Variants in C16orf89 observed in about 807,000 individuals in gnomAD.
The protein encoded by C16orf89 is chromosome 16 open reading frame 89, also known as UPF0764 protein C16orf89.
Under a neutral mutation model 41.5 loss-of-function variants are expected in C16orf89, and 57 were observed. The observed-to-expected ratio is 1.38, with a 90% confidence interval of 1.11 to 1.71. The LOEUF (loss-of-function observed/expected upper bound fraction) is 1.71, where lower values mean the gene tolerates loss of function less well. Among genes scored for constraint, C16orf89 ranks in the 40% most tolerant of loss-of-function variants. The pLI is 0.00. For missense variants in C16orf89, 575 were observed against 445.9 expected (o/e 1.29, Z -2.61); for synonymous variants, 223 against 190.6 (o/e 1.17, Z -1.40).
At chr16:5,058,259 C>G (rs111251998) in intron 4 of C16orf89, among the ~76,000 whole-genome samples, 17,753 of 151,974 alleles carry the variant, frequency 0.12, 1,147 homozygotes, top group Non-Finnish European at 0.15. Flanking sequence ...CCTCTTGTAG[C>G]TGGGATTACA....
At position 5,047,981 on chromosome 16, in the gene C16orf89, A is replaced by T; in HGVS notation, c.869-17T>A. ...CTTCAGCATCTGGGAGAAGAGCAAA[A>T]GTTGAACTTCTCAAGAGAGATTTTT... On this transcript the variant is annotated splice_polypyrimidine_tract_variant and intron_variant, in intron 6 of 7. Transcript: ENST00000472572. The T allele has an allele frequency of 7.6e-7, 1 of 1,319,204 alleles. No individual in the cohort carries two copies. The highest frequency in any genetic ancestry group is 1.1e-6 in the Non-Finnish European group (1 of 915,546). 81.7% of individuals were successfully genotyped at this position (1,319,204 alleles called of 1,614,324 possible).
At chr16:5,058,355 A>G (rs1164329573) in intron 4 of C16orf89, 138 bp downstream of exon 4, 18 of 658,618 alleles carry the variant, frequency 2.7e-5, no homozygotes, top group Non-Finnish European at 4.0e-5. Context: ...CTGGTTTTGA[A>G]CTCCTGGCCT....
chr16:5,059,022 C>T (rs530260335), intron 3 of C16orf89, among the ~76,000 whole-genome samples: 5 of 151,922 alleles, frequency 3.3e-5, no homozygotes, highest in African/African-American at 1.2e-4. Flanking sequence ...GGCAAGTCAC[C>T]TGAGGTCAGG....
chr16:5,046,846 C>CA (rs1267640714), intron 7 of C16orf89, among the ~76,000 whole-genome samples: 1 of 152,100 alleles, frequency 6.6e-6, no homozygotes, highest in Non-Finnish European at 1.5e-5. Flanking sequence ...ACTGACCATA[C>CA]AGTTTATTGT....
rs1451831168 is a variant in C16orf89 at position 5,062,498 on chromosome 16, C to A, written c.285G>T (p.Leu95=). The part of the protein sequence containing the change: ...LQPLSLRVGM[L]GEKLEAAIQR... ...GGATGGCAGCCTCCAGCTTCTCCCCCAGCATCCCCACGCGCAGGCTCAGCG... is the reference window on the plus strand; with the variant it reads ...GGATGGCAGCCTCCAGCTTCTCCCCAAGCATCCCCACGCGCAGGCTCAGCG... The change falls in exon 2 of 8, where the codon CTG becomes CTT. Residue 95 remains leucine (L), a synonymous_variant. Coordinates refer to ENST00000472572, the MANE Select transcript of C16orf89 (RefSeq NM_001098514.3). The A allele has an allele frequency of 1.2e-6, 2 of 1,614,108 alleles. No homozygotes were observed. Among genetic ancestry groups the A allele is most frequent in the Non-Finnish European group, 1.7e-6 (2 of 1,179,968 alleles).
intron 3 of C16orf89, 191 bp downstream of exon 3, chr16:5,060,095 C>A (rs973785648): frequency 3.6e-6 from 2 of 562,502 alleles, no homozygotes; most frequent in Non-Finnish European, 5.7e-6. Flanking sequence ...GGGAGGCCAG[C>A]GGGCGGCTGG....
intron 7 of C16orf89, chr16:5,044,793 G>C: frequency 8.3e-7 from 1 of 1,199,318 alleles, no homozygotes; most frequent in South Asian, 1.3e-5. Context: ...GCAGTGAGCC[G>C]AGATTGCGCC....
chr16:5,053,915 G>A (rs1479134077), intron 6 of C16orf89, among the ~76,000 whole-genome samples: 1 of 152,122 alleles, frequency 6.6e-6, no homozygotes, highest in African/African-American at 2.4e-5. Flanking sequence ...GAGGTGATGC[G>A]TCTGCTCATT....
chr16:5,046,420 C>T (rs1956298967), intron 7 of C16orf89, among the ~76,000 whole-genome samples: 1 of 152,080 alleles, frequency 6.6e-6, no homozygotes, highest in African/African-American at 2.4e-5. Flanking sequence ...GGCACAATCT[C>T]AGCTCACTGC....
intron 2 of C16orf89, 91 bp downstream of exon 2, chr16:5,062,334 C>G: frequency 2.1e-6 from 3 of 1,437,388 alleles, no homozygotes; most frequent in South Asian, 1.4e-5. Flanking sequence ...CCAGCCCAGC[C>G]TTGCCCCAGG....
intron 1 of C16orf89, among the ~76,000 whole-genome samples, chr16:5,062,820 G>A (rs765743973): frequency 6.6e-6 from 1 of 152,098 alleles, no homozygotes; most frequent in Non-Finnish European, 1.5e-5. Flanking sequence ...TTCTGGAGGC[G>A]GGCCTGGGTT....
At chr16:5,053,067 A>G (rs1313352210) in intron 6 of C16orf89, among the ~76,000 whole-genome samples, 1 of 152,202 alleles carries the variant, frequency 6.6e-6, no homozygotes, top group African/African-American at 2.4e-5. Context: ...TGTGGAAGCT[A>G]AAAAAGTTGA....
chr16:5,054,060 CATCTGGAGGCCTAAGA>C (rs1361773781), intron 6 of C16orf89, among the ~76,000 whole-genome samples: 2 of 152,228 alleles, frequency 1.3e-5, no homozygotes, highest in African/African-American at 2.4e-5. Context: ...CGAAGCTATA[CATCTGGAGGCCTAAGA>C]ATCTTCATCG....
At position 5,045,789 on chromosome 16, in the gene C16orf89, C is replaced by G. The variant is rs62036226; in HGVS notation, c.956-1311G>C. The stretch of plus-strand genomic sequence containing the variant: ...CGAACCCACACAACCTGACCTCAAA[C>G]CCTGTGCTCCTAATCTCTACACCAG... On this transcript the variant is annotated intron_variant, in intron 7 of 7. Transcript: ENST00000472572. Among the ~76,000 whole-genome samples, 452 of 152,182 alleles carry G rather than the reference C, an allele frequency of 3.0e-3. 1 individual carries two copies. Among genetic ancestry groups the G allele is most frequent in the Middle Eastern group, 0.02 (6 of 294 alleles).
Position 5,060,295 on chromosome 16 carries a change from A to G in C16orf89, c.500T>C (p.Leu167Pro), listed in dbSNP as rs1314809134. Residue 167 changes from leucine to proline, a missense_variant, in exon 3 of 8, where the codon CTG (leucine) becomes CCG (proline). Leu to Pro is a moderately conservative substitution (Grantham distance 98, BLOSUM62 -3). Transcript: ENST00000472572. Reference sequence around the variant, plus strand: ...CAAGTGCAGGGCCCACCCGGTTCCCAGCAGCTGCACCAGGCACACGTCACT... The same window carrying G: ...CAAGTGCAGGGCCCACCCGGTTCCCGGCAGCTGCACCAGGCACACGTCACT... ...ERSDVCLVQL[L>P]GTGTDSSEPC... 3 of 1,609,256 alleles carry G rather than the reference A, an allele frequency of 1.9e-6. No homozygotes were observed. The highest frequency in any genetic ancestry group is 2.5e-6 in the Non-Finnish European group (3 of 1,177,532).
In C16orf89 at chr16:5,058,660, C is replaced by G. The variant is rs536845546; in HGVS notation, c.510-50G>C. Reference sequence around the variant, plus strand: ...TTAAGGATGGAGCGCTGACTCTGCCCTGCGTCTTCCCAGCCCCCTAGTTGT... The same window carrying G: ...TTAAGGATGGAGCGCTGACTCTGCCGTGCGTCTTCCCAGCCCCCTAGTTGT... On this transcript the variant is annotated intron_variant, in intron 3 of 7. Transcript: ENST00000472572. 14 of 1,449,168 alleles carry G rather than the reference C, an allele frequency of 9.7e-6. No homozygotes were observed. The African/African-American group carries it at 2.0e-4, about 20-fold the overall frequency. 89.8% of individuals were successfully genotyped at this position (1,449,168 alleles called of 1,614,324 possible).
chr16:5,062,537 C>A lies in C16orf89; in HGVS notation c.246G>T (p.Glu82Asp). Residue 82 changes from glutamate to aspartate, a missense_variant, in exon 2 of 8, where the codon GAG becomes GAT. Glu to Asp is a conservative substitution (Grantham distance 45). Coordinates refer to ENST00000472572, the MANE Select transcript of C16orf89 (RefSeq NM_001098514.3). The part of the protein sequence containing the change: ...LKSVREKWAQ[E>D]PLLQPLSLRV... ...GCAGGCTCAGCGGCTGCAGCAGGGG[C>A]TCCTGGGCCCACTTCTCCCGGACAC... 1 of 1,613,502 alleles carries A rather than the reference C, an allele frequency of 6.2e-7. No individual in the cohort carries two copies. Among genetic ancestry groups the A allele is most frequent in the South Asian group, 1.1e-5 (1 of 91,016 alleles).
rs371481724 is a variant in C16orf89, at chr16:5,058,606, C to T, written c.514G>A (p.Asp172Asn). 1 of 1,609,874 alleles carries T rather than the reference C, an allele frequency of 6.2e-7. No individual in the cohort carries two copies. Among genetic ancestry groups the T allele is most frequent in the South Asian group, 1.1e-5 (1 of 90,946 alleles). ...CLVQLLGTGT[D>N]SSEPCGLSDL... ...GAGAGGCCGCAGGGCTCGCTGCTGTCCGTCCTGGGGGAAAGTGGTTCCAAG... is the reference window on the plus strand; with the variant it reads ...GAGAGGCCGCAGGGCTCGCTGCTGTTCGTCCTGGGGGAAAGTGGTTCCAAG... Residue 172 changes from aspartate to asparagine, a missense_variant, in exon 4 of 8, where the codon GAC becomes AAC. Asp to Asn is a conservative substitution (Grantham distance 23). Coordinates refer to ENST00000472572, the MANE Select transcript of C16orf89 (RefSeq NM_001098514.3).
Position 5,058,564 on chromosome 16 carries a change from G to T in C16orf89, c.556C>A (p.Leu186Ile). ...PCGLSDLCRSLMTKPGCSGYC... is the reference protein window; with the variant it reads ...PCGLSDLCRSIMTKPGCSGYC... ...CCTGAGCAGCCGGGCTTGGTCATGA[G>T]GCTCCTGCAGAGGTCTGAGAGGCCG... The change falls in exon 4 of 8, where the codon CTC becomes ATC. Residue 186 changes from leucine (L) to isoleucine (I), a missense_variant. By Grantham distance (5) the Leu-to-Ile change is conservative (BLOSUM62 2). Transcript: ENST00000472572. The T allele has an allele frequency of 6.2e-7, 1 of 1,612,808 alleles. No homozygotes were observed. The highest frequency in any genetic ancestry group is 8.5e-7 in the Non-Finnish European group (1 of 1,179,944).
Sources: gnomAD v4.1 joint callset for allele counts (sites outside exome capture counted in the v4.1 genomes callset) on GRCh38, gnomAD v4.1.1 for gene constraint, MANE v1.5 for transcripts, NCBI Gene and HGNC (gene_info 2026-07-23, HGNC 2026-07-21) for gene names.